Variants in THBS1 observed in about 807,000 individuals in gnomAD.
The protein encoded by THBS1 is thrombospondin-1.
THBS1 carries 29 observed loss-of-function variants against 126.1 expected under a neutral mutation model. That is an observed-to-expected ratio of 0.23 (90% CI 0.17 to 0.31). The LOEUF (loss-of-function observed/expected upper bound fraction) is 0.31. THBS1 is among the 10% of genes least tolerant of loss of function. THBS1 has a pLI of 1.00. For missense variants in THBS1, 1,198 were observed against 1,545.2 expected, an observed-to-expected ratio of 0.78 and a Z score of 3.77; for synonymous variants, 496 against 577.8, an observed-to-expected ratio of 0.86 and a Z score of 2.03.
At position 39,589,968 on chromosome 15, in the gene THBS1, G is replaced by A; in HGVS notation, c.2090G>A (p.Gly697Asp). 1 of 1,613,792 alleles carries A rather than the reference G, an allele frequency of 6.2e-7. No individual in the cohort carries two copies. Among genetic ancestry groups the A allele is most frequent in the East Asian group, 2.2e-5 (1 of 44,866 alleles). ...TGCGGGGAGGACACAGACCTGGATG[G>A]CTGGCCCAATGAGAACCTGGTGTGC... ...IICGEDTDLD[G>D]WPNENLVCVA... The change falls in exon 13 of 22, where the codon GGC becomes GAC. Residue 697 changes from glycine (G) to aspartate (D), a missense_variant. Physicochemically the swap from Gly to Asp is moderately conservative, Grantham distance 94. Transcript: ENST00000260356. This position sits in a 1 kb window ranked among gnomAD's most constrained non-coding sequence, Gnocchi z 4.7.
rs1890152701 is a variant in THBS1 at position 39,583,611 on chromosome 15, C to G, written c.628-6C>G. 2 of 1,613,086 alleles carry G rather than the reference C, an allele frequency of 1.2e-6. No homozygotes were observed. The highest frequency in any genetic ancestry group is 1.7e-6 in the Non-Finnish European group (2 of 1,179,510). On this transcript the variant is annotated splice_polypyrimidine_tract_variant and splice_region_variant and intron_variant, in intron 3 of 21. Coordinates refer to ENST00000260356, the MANE Select transcript of THBS1 (RefSeq NM_003246.4). ...TCTACAAGTAATGTGTGTCCTCTGCCCACAGGGGGTGCTGCAGAATGTGAG... is the reference window on the plus strand; with the variant it reads ...TCTACAAGTAATGTGTGTCCTCTGCGCACAGGGGGTGCTGCAGAATGTGAG...
At chr15:39,587,122 GTTAA>G (rs1362797538) in intron 7 of THBS1, 1 of 380,654 alleles carries the variant, frequency 2.6e-6, no homozygotes, top group African/African-American at 2.0e-5. Flanking sequence ...ATGGAGATGT[GTTAA>G]TTAGCTTGAC....
At chr15:39,583,426 T>C (rs771441862) in intron 3 of THBS1, among the ~76,000 whole-genome samples, 191 bp from the exon 4 acceptor site, 11 of 152,214 alleles carry the variant, frequency 7.2e-5, no homozygotes, top group Non-Finnish European at 1.3e-4. Flanking sequence ...TTGGCAGAAG[T>C]CACAATTAAG....
In THBS1 at chr15:39,582,697, T is replaced by C; in HGVS notation, c.572T>C (p.Leu191Pro). The C allele has an allele frequency of 6.2e-7, 1 of 1,613,510 alleles. No individual in the cohort carries two copies. The highest frequency in any genetic ancestry group is 8.5e-7 in the Non-Finnish European group (1 of 1,180,010). Residue 191 changes from leucine (L) to proline (P), a missense_variant, in exon 3 of 22, where the codon CTG (leucine) becomes CCG (proline). By Grantham distance (98) the Leu-to-Pro change is moderately conservative. Coordinates refer to ENST00000260356, the MANE Select transcript of THBS1 (RefSeq NM_003246.4). ...ATCCAAAGCGTCTTCACCAGAGACC[T>C]GGCCAGCATCGCCAGACTCCGCATC... ...VPIQSVFTRD[L>P]ASIARLRIAK...
At position 39,599,430 on chromosome 15, in the gene THBS1, C is replaced by T. The variant is rs1890561846; in HGVS notation, c.*4061C>T. The T allele has an allele frequency of 6.6e-6, 1 of 152,286 alleles. No individual in the cohort carries two copies. The highest frequency in any genetic ancestry group is 2.1e-4 in the South Asian group (1 of 4,830). The allele number at this position is 152,286 out of a possible 1,614,324, so 9.4% of individuals were successfully genotyped here. A position where few individuals can be genotyped will look rare whatever the true frequency, so the allele number is the denominator to read the frequency against. ...CATTGGCAGAAGCAAACTATAAAGT[C>T]ATAAGCCCTTTGCAGTGCAAGTCTA... On this transcript the variant is annotated 3_prime_UTR_variant, in exon 22 of 22. Transcript: ENST00000260356.
At position 39,594,302 on chromosome 15, in the gene THBS1, G is replaced by A; in HGVS notation, c.3367G>A (p.Val1123Met). ...AAACAAGATTTTTTTTCCCTGCAGA[G>A]TGGTGATGTATGAAGGGAAGAAAAT... ...SHRPKTGFIRVVMYEGKKIMA... is the reference protein window; with the variant it reads ...SHRPKTGFIRMVMYEGKKIMA... The change falls in exon 21 of 22, where the codon GTG becomes ATG. Residue 1123 changes from valine (V) to methionine (M), a missense_variant and splice_region_variant. Coordinates refer to ENST00000260356, the MANE Select transcript of THBS1 (RefSeq NM_003246.4). The surrounding 1 kb of genome is among the most constrained non-coding windows in gnomAD (Gnocchi z 4.4). The A allele has an allele frequency of 1.9e-6, 3 of 1,614,118 alleles. No homozygotes were observed. The highest frequency in any genetic ancestry group is 1.7e-4 in the Middle Eastern group (1 of 6,060).
chr15:39,595,306 T>A, intron 21 of THBS1, 56 bp from the exon 22 acceptor site: 1 of 1,182,658 alleles, frequency 8.5e-7, no homozygotes, highest in Non-Finnish European at 1.1e-6. Context: ...AAGATGTCTA[T>A]GCTTTTATGA....
intron 13 of THBS1, 119 bp downstream of exon 13, chr15:39,590,142 A>G (rs1890299617): frequency 2.1e-6 from 2 of 951,166 alleles, no homozygotes; most frequent in African/African-American, 3.3e-5. Flanking sequence ...AAATCTCCCA[A>G]AGGGAGAGGG....
rs1890263082 is a variant in THBS1 at position 39,588,728 on chromosome 15, C to T, written c.1645+29C>T. On this transcript the variant is annotated intron_variant, in intron 10 of 21. Coordinates refer to ENST00000260356, the MANE Select transcript of THBS1 (RefSeq NM_003246.4). ...AGCCACGCAGCCCAGGATGAAACGA[C>T]CCAGGAGCTTTGCTCTTTTACTGAA... 1.9e-6 allele frequency: 3 copies of T among 1,552,546 alleles called. No individual in the cohort carries two copies. The East Asian group carries it at 6.8e-5, about 35-fold the overall frequency.
Position 39,594,532 on chromosome 15 carries a change from CTG to C in THBS1, c.3505+94_3505+95del. The C allele has an allele frequency of 3.3e-6, 5 of 1,513,490 alleles. No homozygotes were observed. The highest frequency in any genetic ancestry group is 3.5e-6 in the Non-Finnish European group (4 of 1,127,496). The allele number at this position is 1,513,490 out of a possible 1,614,324, so 93.8% of individuals were successfully genotyped here. ...GTTATGGGGGAGTCCAGTGTAAAGA[CTG>C]TTTTGGAGACAGGGTTATTTCTATT... On this transcript the variant is annotated intron_variant, in intron 21 of 21. Transcript: ENST00000260356. This position sits in a 1 kb window ranked among gnomAD's most constrained non-coding sequence, Gnocchi z 4.4.
chr15:39,590,104 T>A, intron 13 of THBS1, 81 bp downstream of exon 13: 1 of 1,240,144 alleles, frequency 8.1e-7, no homozygotes, highest in Non-Finnish European at 1.1e-6. Context: ...TTTAAATACT[T>A]AAAGTTTGGA....
rs760314436 is a variant in THBS1, at chr15:39,593,220, C to T, written c.2988C>T (p.Leu996=). 5.0e-6 allele frequency: 8 copies of T among 1,613,918 alleles called. No homozygotes were observed. Among genetic ancestry groups the T allele is most frequent in the Admixed American group, 3.3e-5 (2 of 60,000 alleles). Residue 996 remains leucine, a synonymous_variant, in exon 18 of 22, where the codon CTC becomes CTT. Coordinates refer to ENST00000260356, the MANE Select transcript of THBS1 (RefSeq NM_003246.4). The surrounding 1 kb of genome is among the most constrained non-coding windows in gnomAD (Gnocchi z 5.9). Reference sequence around the variant, plus strand: ...AGACTGTCAACTGTGATCCTGGACTCGCTGTAGGTGAGTAGCGAGTTCTTA... The same window carrying T: ...AGACTGTCAACTGTGATCCTGGACTTGCTGTAGGTGAGTAGCGAGTTCTTA... ...LVQTVNCDPG[L]AVGYDEFNAV...
chr15:39,588,650 T>C lies in THBS1; in HGVS notation c.1596T>C (p.Val532=), dbSNP rs1595509732. The change falls in exon 10 of 22, where the codon GTT becomes GTC. Residue 532 remains valine, a synonymous_variant. Transcript: ENST00000260356. ...CCCAGTTTGGAGGCAAGGACTGCGT[T>C]GGTGATGTAACAGAAAACCAGATCT... ...PTPQFGGKDC[V]GDVTENQICN... The C allele has an allele frequency of 6.2e-7, 1 of 1,606,968 alleles. No homozygotes were observed. The highest frequency in any genetic ancestry group is 2.2e-5 in the East Asian group (1 of 44,828).
At chr15:39,590,815 T>C (rs933655618) in intron 14 of THBS1, 192 bp downstream of exon 14, 1 of 588,206 alleles carries the variant, frequency 1.7e-6, no homozygotes, top group Non-Finnish European at 2.9e-6. Context: ...TAAATGAGGG[T>C]TTTGTTTTTC....
In THBS1 at chr15:39,583,605, C is replaced by T. The variant is rs200937488; in HGVS notation, c.628-12C>T. The T allele has an allele frequency of 8.7e-6, 14 of 1,609,414 alleles. No individual in the cohort carries two copies. The highest frequency in any genetic ancestry group is 1.7e-4 in the Middle Eastern group (1 of 5,940). Reference sequence around the variant, plus strand: ...CTGCATTCTACAAGTAATGTGTGTCCTCTGCCCACAGGGGGTGCTGCAGAA... The same window carrying T: ...CTGCATTCTACAAGTAATGTGTGTCTTCTGCCCACAGGGGGTGCTGCAGAA... On this transcript the variant is annotated splice_polypyrimidine_tract_variant and intron_variant, in intron 3 of 21. Transcript: ENST00000260356.
chr15:39,595,995 C>A lies in THBS1; in HGVS notation c.*626C>A. The stretch of plus-strand genomic sequence containing the variant: ...ATGTAAATAGGCACTTAAATAGAAG[C>A]AGGAAAGGGAGACAAAGACTGGCTT... On this transcript the variant is annotated 3_prime_UTR_variant, in exon 22 of 22. Coordinates refer to ENST00000260356, the MANE Select transcript of THBS1 (RefSeq NM_003246.4). 2.6e-6 allele frequency: 1 copy of A among 391,010 alleles called. No individual in the cohort carries two copies. The highest frequency in any genetic ancestry group is 5.2e-6 in the Non-Finnish European group (1 of 193,074). 24.2% of individuals were successfully genotyped at this position (391,010 alleles called of 1,614,324 possible).
chr15:39,593,822 T>C lies in THBS1; in HGVS notation c.3267+154T>C. ...TGAACTCTGCTTTGTAAAAACATAA[T>C]AGTGTTGAAAAGGGAGCTTGACCAA... On this transcript the variant is annotated intron_variant, in intron 19 of 21. Coordinates refer to ENST00000260356, the MANE Select transcript of THBS1 (RefSeq NM_003246.4). This position sits in a 1 kb window ranked among gnomAD's most constrained non-coding sequence, Gnocchi z 5.9. 2.5e-6 allele frequency: 3 copies of C among 1,219,514 alleles called. No homozygotes were observed. Among genetic ancestry groups the C allele is most frequent in the Admixed American group, 2.6e-5 (1 of 38,530 alleles). 75.5% of individuals were successfully genotyped at this position (1,219,514 alleles called of 1,614,324 possible).
At chr15:39,583,805 T>C in intron 4 of THBS1, 113 bp downstream of exon 4, 1 of 1,289,010 alleles carries the variant, frequency 7.8e-7, no homozygotes, top group Non-Finnish European at 1.1e-6. Flanking sequence ...AGTGAGATCA[T>C]CAAGAGGCAT....
chr15:39,581,668 C>CTT (rs1023877601), intron 1 of THBS1, 161 bp from the exon 2 acceptor site: 12 of 522,424 alleles, frequency 2.3e-5, no homozygotes, highest in African/African-American at 1.6e-4. Flanking sequence ...CTCTCTCTCT[C>CTT]ATGCTCTCTG....
Sources: allele counts gnomAD v4.1 joint callset (sites outside exome capture counted in the v4.1 genomes callset), GRCh38; gene constraint gnomAD v4.1.1; non-coding constraint Gnocchi (gnomAD v3.1); transcripts MANE v1.5; gene names NCBI Gene and HGNC (gene_info 2026-07-23, HGNC 2026-07-21).